TEX30: variants seen among roughly 807,000 people sequenced by gnomAD.
TEX30 encodes testis-expressed protein 30.
In TEX30, 14 loss-of-function variants were observed where a neutral mutation model predicts 23.8. That is an observed-to-expected ratio of 0.59 (90% CI 0.39 to 0.92). The LOEUF (loss-of-function observed/expected upper bound fraction) is 0.92, where lower values mean the gene tolerates loss of function less well. Ranked by LOEUF, TEX30 falls within the 40% of genes least tolerant of loss-of-function variation. TEX30 has a pLI of 0.00. For synonymous variants in TEX30, 78 were observed against 90.2 expected, an observed-to-expected ratio of 0.87 and a Z score of 0.76; for missense variants, 246 against 270.6, an observed-to-expected ratio of 0.91 and a Z score of 0.64.
At chr13:102,773,030 C>A (rs1214154306) in intron 1 of TEX30, among the ~76,000 whole-genome samples, 3 of 152,262 alleles carry the variant, frequency 2.0e-5, no homozygotes, top group African/African-American at 7.2e-5. Context: ...GCTCCACCGG[C>A]TAGGCGGTCG....
chr13:102,769,584 C>A, intron 2 of TEX30, 43 bp from the exon 3 acceptor site: 1 of 1,225,624 alleles, frequency 8.2e-7, no homozygotes, highest in Non-Finnish European at 1.2e-6. Context: ...TACTTTCTTG[C>A]CTATTAAGAC....
intron 2 of TEX30, chr13:102,769,753 C>G (rs1877184964): frequency 1.9e-6 from 1 of 533,368 alleles, no homozygotes; most frequent in Non-Finnish European, 3.2e-6. Flanking sequence ...ACTTTTCTAA[C>G]AATTCTGTGA....
At chr13:102,769,918 T>A (rs999976391) in intron 2 of TEX30, 94 bp downstream of exon 2, 9 of 1,132,960 alleles carry the variant, frequency 7.9e-6, no homozygotes, top group Non-Finnish European at 1.1e-5. Flanking sequence ...CCTCCCACAG[T>A]GAAAGTTGAA....
At chr13:102,768,187 A>G (rs1303231020) in intron 4 of TEX30, 73 bp downstream of exon 4, 3 of 1,273,768 alleles carry the variant, frequency 2.4e-6, no homozygotes, top group Non-Finnish European at 3.3e-6. Flanking sequence ...ATGATCAACT[A>G]ATTTTAATTC....
chr13:102,767,870 G>A (rs1008573239), intron 4 of TEX30, among the ~76,000 whole-genome samples: 5 of 151,946 alleles, frequency 3.3e-5, no homozygotes, highest in African/African-American at 9.7e-5. Flanking sequence ...CCGAGATGGC[G>A]CCACTGCACT....
intron 1 of TEX30, chr13:102,770,313 G>C (rs1322285915): frequency 3.7e-6 from 1 of 272,830 alleles, no homozygotes; most frequent in Non-Finnish European, 6.8e-6. Context: ...CTTTGACATG[G>C]AAACTGTAAG....
chr13:102,771,631 T>C (rs1877328180), intron 1 of TEX30, among the ~76,000 whole-genome samples: 1 of 152,164 alleles, frequency 6.6e-6, no homozygotes, highest in South Asian at 2.1e-4. Context: ...ACAAAGGAGA[T>C]GAAAGACTTC....
At chr13:102,769,595 A>T in intron 2 of TEX30, 54 bp from the exon 3 acceptor site, 10 of 1,061,036 alleles carry the variant, frequency 9.4e-6, no homozygotes, top group Non-Finnish European at 1.4e-5. Context: ...CTATTAAGAC[A>T]ACTGAACAGC....
chr13:102,768,234 C>A, intron 4 of TEX30, 26 bp downstream of exon 4: 1 of 1,554,080 alleles, frequency 6.4e-7, no homozygotes, highest in South Asian at 1.2e-5. Context: ...AGGTAATTAA[C>A]AAGTATTCAC....
chr13:102,767,782 G>A (rs1877011392), intron 4 of TEX30, among the ~76,000 whole-genome samples: 1 of 151,982 alleles, frequency 6.6e-6, no homozygotes, highest in Non-Finnish European at 1.5e-5. Context: ...GCATGGTGGT[G>A]CACACCTATA....
chr13:102,771,626 G>A (rs1482176321), intron 1 of TEX30, among the ~76,000 whole-genome samples: 2 of 152,194 alleles, frequency 1.3e-5, no homozygotes, highest in Admixed American at 6.5e-5. Flanking sequence ...GTGAGACAAA[G>A]GAGATGAAAG....
Position 102,768,288 on chromosome 13 carries a change from T to G in TEX30, c.270A>C (p.Glu90Asp). 3 of 1,605,808 alleles carry G rather than the reference T, an allele frequency of 1.9e-6. No homozygotes were observed. Among genetic ancestry groups the G allele is most frequent in the Non-Finnish European group, 2.5e-6 (3 of 1,177,170 alleles). The change falls in exon 4 of 6, where the codon GAA becomes GAC. Residue 90 changes from glutamate (E) to aspartate (D), a missense_variant. Transcript: ENST00000376032. ...CAAGAAAAACACCTGCAAGTTTGTA[T>G]TCTCCTGATGTCTTCAGGTAATTCT... is the stretch of plus-strand genomic sequence containing the variant. ...SVLNYLKTSG[E>D]YKLAGVFLGG... is the part of the protein sequence containing the mutation.
At chr13:102,767,599 C>A in intron 4 of TEX30, 121 bp from the exon 5 acceptor site, 1 of 1,031,976 alleles carries the variant, frequency 9.7e-7, no homozygotes, top group South Asian at 1.6e-5. Context: ...AAATTAACTC[C>A]AAAAGGCAGC....
Position 102,769,397 on chromosome 13 carries a change from G to A in TEX30, c.160C>T (p.Leu54Phe), listed in dbSNP as rs777295413. Residue 54 changes from leucine to phenylalanine, a missense_variant, in exon 3 of 6, where the codon CTT becomes TTT. By Grantham distance (22) the Leu-to-Phe change is conservative. Transcript: ENST00000376032. ...AGGCAGAAAAACCCATGAGATGCAA[G>A]ATGGGATGCCAGTGACATCAAATGA... ...LPHLMSLASH[L>F]ASHGFFCLRF... 1 of 1,609,054 alleles carries A rather than the reference G, an allele frequency of 6.2e-7. No homozygotes were observed. Among genetic ancestry groups the A allele is most frequent in the South Asian group, 1.1e-5 (1 of 89,404 alleles).
At chr13:102,767,569 C>A in intron 4 of TEX30, 91 bp from the exon 5 acceptor site, 1 of 1,302,028 alleles carries the variant, frequency 7.7e-7, no homozygotes, top group South Asian at 1.3e-5. Flanking sequence ...TTTTACTGTT[C>A]ATCATATCTG....
chr13:102,773,320 C>T (rs907847232), intron 1 of TEX30, among the ~76,000 whole-genome samples: 1 of 152,112 alleles, frequency 6.6e-6, no homozygotes, highest in Non-Finnish European at 1.5e-5. Context: ...CCGTTCTCTC[C>T]GCAAATGCGC....
intron 1 of TEX30, among the ~76,000 whole-genome samples, chr13:102,773,071 G>A (rs1877442364): frequency 6.6e-6 from 1 of 152,226 alleles, no homozygotes; most frequent in Admixed American, 6.5e-5. Flanking sequence ...CTACTCACAA[G>A]GGCTGGGCGA....
chr13:102,771,939 A>AT (rs1185461196), intron 1 of TEX30, among the ~76,000 whole-genome samples: 2 of 152,176 alleles, frequency 1.3e-5, no homozygotes, highest in Non-Finnish European at 2.9e-5. Context: ...CAGTTTGAAG[A>AT]TTCTGTGGTT....
intron 1 of TEX30, among the ~76,000 whole-genome samples, chr13:102,772,434 C>A (rs749873035): frequency 6.6e-6 from 1 of 152,190 alleles, no homozygotes; most frequent in African/African-American, 2.4e-5. Context: ...AAGGCGTTTG[C>A]CACCTCTCCC....
Sources: allele counts gnomAD v4.1 joint callset (sites outside exome capture counted in the v4.1 genomes callset), GRCh38; gene constraint gnomAD v4.1.1; transcripts MANE v1.5; gene names NCBI Gene and HGNC (gene_info 2026-07-23, HGNC 2026-07-21).